Variants in SHANK2 observed in about 807,000 individuals in gnomAD.
The protein encoded by SHANK2 is SH3 and multiple ankyrin repeat domains protein 2.
SHANK2 carries 43 observed loss-of-function variants against 133.7 expected under a neutral mutation model. That is an observed-to-expected ratio of 0.32 (90% confidence interval 0.25 to 0.41). SHANK2 has a LOEUF of 0.41. SHANK2 is among the 10% of genes least tolerant of loss of function. The pLI is 1.00. For missense variants in SHANK2, 1,994 were observed against 2,235.8 expected (o/e 0.89, Z 2.18); for synonymous variants, 1,017 against 952.8 (o/e 1.07, Z -1.24).
chr11:71,223,582 C>T (rs949925506), intron 2 of SHANK2, among the ~76,000 whole-genome samples: 8 of 152,136 alleles, frequency 5.3e-5, no homozygotes, highest in Non-Finnish European at 1.2e-4. Flanking sequence ...AAATACTGCA[C>T]CATATTAAAT....
At chr11:71,178,431 G>A (rs72957115) in intron 2 of SHANK2, among the ~76,000 whole-genome samples, 34,153 of 151,944 alleles carry the variant, frequency 0.22, 4,096 homozygotes, top group South Asian at 0.28. Flanking sequence ...AGAAAGAGAC[G>A]GGAGAGGAAC....
At chr11:71,157,070 C>A (rs1952920596) in intron 2 of SHANK2, among the ~76,000 whole-genome samples, 1 of 152,134 alleles carries the variant, frequency 6.6e-6, no homozygotes, top group African/African-American at 2.4e-5. Context: ...ACATATGTAA[C>A]AAACCTGCAC....
At chr11:70,856,262 G>A (rs1949170290) in intron 11 of SHANK2, among the ~76,000 whole-genome samples, 1 of 152,012 alleles carries the variant, frequency 6.6e-6, no homozygotes, top group African/African-American at 2.4e-5. Flanking sequence ...GGGTGGATGG[G>A]TGAGTGAATA....
intron 13 of SHANK2, among the ~76,000 whole-genome samples, chr11:70,800,698 A>G (rs1202167324): frequency 6.6e-6 from 1 of 152,146 alleles, no homozygotes; most frequent in African/African-American, 2.4e-5. Context: ...TCTCCTCCAA[A>G]ACTCGATGCA....
At chr11:70,658,868 T>C (rs1168696191) in intron 17 of SHANK2, among the ~76,000 whole-genome samples, 2 of 152,200 alleles carry the variant, frequency 1.3e-5, no homozygotes, top group African/African-American at 2.4e-5. Flanking sequence ...TACCCACCCC[T>C]TCCACCTGCA....
At chr11:70,940,995 T>C (rs1451464729) in intron 10 of SHANK2, among the ~76,000 whole-genome samples, 2 of 152,122 alleles carry the variant, frequency 1.3e-5, no homozygotes, top group Non-Finnish European at 2.9e-5. Context: ...TTCTTTCTGG[T>C]GGGAGACAAA....
chr11:71,191,199 T>C (rs1404023683), intron 2 of SHANK2, among the ~76,000 whole-genome samples: 1 of 151,798 alleles, frequency 6.6e-6, no homozygotes, highest in Non-Finnish European at 1.5e-5. Context: ...AATGCAAAAA[T>C]GAACGCAGCA....
intron 17 of SHANK2, among the ~76,000 whole-genome samples, chr11:70,532,529 G>A (rs1023793297): frequency 4.6e-5 from 7 of 151,934 alleles, no homozygotes; most frequent in Admixed American, 1.3e-4. Context: ...CCTGGTCCTC[G>A]CCAGACTCTA....
chr11:71,108,872 A>C (rs1951842571), intron 6 of SHANK2, among the ~76,000 whole-genome samples: 1 of 152,230 alleles, frequency 6.6e-6, no homozygotes, highest in South Asian at 2.1e-4. Context: ...CAATTGCAAA[A>C]AGGCAAGGAC....
intron 14 of SHANK2, among the ~76,000 whole-genome samples, chr11:70,747,943 A>G (rs1946677385): frequency 6.6e-6 from 1 of 152,230 alleles, no homozygotes; most frequent in Non-Finnish European, 1.5e-5. Context: ...GTGTGTGTAT[A>G]CATGGACAAT....
chr11:70,761,649 A>G (rs997413749), intron 14 of SHANK2, among the ~76,000 whole-genome samples: 16 of 152,360 alleles, frequency 1.1e-4, no homozygotes, highest in African/African-American at 3.6e-4. Flanking sequence ...CATGTGTTCC[A>G]GTCCCTGGGG....
At chr11:70,586,105 G>T (rs899006689) in intron 17 of SHANK2, among the ~76,000 whole-genome samples, 1 of 152,136 alleles carries the variant, frequency 6.6e-6, no homozygotes, top group Non-Finnish European at 1.5e-5. Flanking sequence ...TTGGAGAATC[G>T]CACAGGTGCC....
chr11:70,881,562 TTAATAATAATATTAA>T (rs1189844982), intron 11 of SHANK2, among the ~76,000 whole-genome samples: 6 of 24,056 alleles, frequency 2.5e-4, no homozygotes, highest in African/African-American at 3.3e-4. Flanking sequence ...AATAATAATA[TTAATAATAATATTAA>T]TAATAATAAT....
Position 70,761,000 on chromosome 11 carries a change from G to A in SHANK2, c.1777+37443C>T, listed in dbSNP as rs577454166. Among the ~76,000 whole-genome samples the A allele has an allele frequency of 3.3e-5, 5 of 152,288 alleles. No individual in the cohort carries two copies. The South Asian group carries it at 6.2e-4, about 19-fold the overall frequency. ...GCAATGCCCAGGGGCAGTGGTGGAG[G>A]TGCCGGCTTTCCAGGCTGCAGGTCG... On this transcript the variant is annotated intron_variant, in intron 14 of 25. Transcript: ENST00000601538.
chr11:70,660,012 C>A, intron 16 of SHANK2, 60 bp from the exon 17 acceptor site: 2 of 1,611,798 alleles, frequency 1.2e-6, no homozygotes, highest in Non-Finnish European at 8.5e-7. Flanking sequence ...GTTCACATTG[C>A]CTGACCTCCC....
At chr11:70,661,799 A>C in intron 15 of SHANK2, 121 bp from the exon 16 acceptor site, 1 of 1,613,036 alleles carries the variant, frequency 6.2e-7, no homozygotes, top group Non-Finnish European at 8.5e-7. Flanking sequence ...CGCCAGATCC[A>C]GGCAGCATGG....
At chr11:70,532,865 A>G (rs1554973485) in intron 17 of SHANK2, among the ~76,000 whole-genome samples, 1 of 152,132 alleles carries the variant, frequency 6.6e-6, no homozygotes, top group East Asian at 1.9e-4. Context: ...CCCAGTGTCT[A>G]CGGACAGAGG....
intron 17 of SHANK2, among the ~76,000 whole-genome samples, chr11:70,504,799 T>G (rs2059113704): frequency 6.6e-6 from 1 of 152,086 alleles, no homozygotes; most frequent in African/African-American, 2.4e-5. Context: ...CCGGGAGTTC[T>G]CGGAGGGCAG....
chr11:70,665,876 T>G (rs1944669740), intron 15 of SHANK2, among the ~76,000 whole-genome samples: 1 of 152,138 alleles, frequency 6.6e-6, no homozygotes. Flanking sequence ...TGGGTGACCC[T>G]GGAGAAAATG....
Sources: allele counts gnomAD v4.1 joint callset (sites outside exome capture counted in the v4.1 genomes callset), GRCh38; gene constraint gnomAD v4.1.1; transcripts MANE v1.5; gene names NCBI Gene and HGNC (gene_info 2026-07-23, HGNC 2026-07-21).